MYO15B: variants seen among roughly 807,000 people sequenced by gnomAD.
MYO15B encodes myosin XVB pseudogene.
A neutral mutation model predicts 119.3 loss-of-function variants in MYO15B; 207 were observed. The observed-to-expected ratio is 1.73, with a 90% CI of 1.55 to 1.95. MYO15B has a LOEUF of 1.95. Among genes scored for constraint, MYO15B ranks in the 30% most tolerant of loss-of-function variants. The pLI, the probability that MYO15B is intolerant of heterozygous loss-of-function variation, is 0.00. For synonymous variants in MYO15B, 966 were observed against 498.9 expected (o/e 1.94, Z -12.48); for missense variants, 2,264 against 1,203.1 (o/e 1.88, Z -13.04).
At chr17:75,618,860 T>C (rs1217054349) in intron 43 of MYO15B, among the ~76,000 whole-genome samples, 1 of 152,182 alleles carries the variant, frequency 6.6e-6, no homozygotes, top group Non-Finnish European at 1.5e-5. Context: ...CAATCTTGTA[T>C]CTGGGCTGAT....
intron 50 of MYO15B, 65 bp from the exon 51 acceptor site, chr17:75,621,280 C>A: frequency 1.5e-6 from 1 of 665,986 alleles, no homozygotes. Context: ...CTCTCCCTGC[C>A]TGGCTGGCTG....
chr17:75,612,073 G>A, intron 25 of MYO15B, 57 bp downstream of exon 25: 1 of 685,404 alleles, frequency 1.5e-6, no homozygotes, highest in Admixed American at 2.1e-5. Flanking sequence ...GTTAGCACCT[G>A]CCTGACAGAT....
Position 75,589,188 on chromosome 17 carries a change from G to T in MYO15B, c.1131G>T (p.Leu377=). The stretch of plus-strand genomic sequence containing the variant: ...GTGTAGCGCGAGCCCTGGGCCTCCT[G>T]CGCTGGCTGCGGCGGCGGCTGCGGC... The change falls in exon 1 of 64, where the codon CTG becomes CTT. Residue 377 remains leucine (L), a synonymous_variant. Coordinates refer to ENST00000645453, the Ensembl canonical transcript of MYO15B. This position sits in a 1 kb window ranked among gnomAD's most constrained non-coding sequence, Gnocchi z 4.2. 2.5e-6 allele frequency: 1 copy of T among 396,860 alleles called. No homozygotes were observed. The highest frequency in any genetic ancestry group is 4.4e-6 in the Non-Finnish European group (1 of 225,566). 24.6% of individuals were successfully genotyped at this position (396,860 alleles called of 1,614,324 possible). A position where few individuals can be genotyped will look rare whatever the true frequency, so the allele number is the denominator to read the frequency against.
chr17:75,622,962 A>T (rs1728648779), intron 53 of MYO15B, among the ~76,000 whole-genome samples: 1 of 152,220 alleles, frequency 6.6e-6, no homozygotes, highest in Non-Finnish European at 1.5e-5. Context: ...AAGGGCAGAC[A>T]GAGAGAGGTT....
chr17:75,594,419 G>T (rs1388321624), intron 9 of MYO15B, 56 bp from the exon 10 acceptor site: 1 of 577,790 alleles, frequency 1.7e-6, no homozygotes, highest in Non-Finnish European at 3.1e-6. Flanking sequence ...TGCCCTGCCT[G>T]GGGAGTGTGT....
chr17:75,613,618 G>T, intron 28 of MYO15B, 87 bp from the exon 29 acceptor site: 1 of 660,728 alleles, frequency 1.5e-6, no homozygotes, highest in South Asian at 1.6e-5. Flanking sequence ...TCCTGCTTTT[G>T]AAACTCTCAT....
chr17:75,610,407 T>G, intron 22 of MYO15B, 148 bp downstream of exon 22: 2 of 531,808 alleles, frequency 3.8e-6, no homozygotes, highest in Non-Finnish European at 3.4e-6. Context: ...CTCATCCCTT[T>G]TCCCTCCGGC....
rs1043748363 is a variant in MYO15B at position 75,617,891 on chromosome 17, G to A, written c.6896G>A (p.Gly2299Asp). Residue 2299 changes from glycine to aspartate, a missense_variant, in exon 42 of 64, where the codon GGC (glycine) becomes GAC (aspartate). By Grantham distance (94) the Gly-to-Asp change is moderately conservative. Coordinates refer to ENST00000645453, the Ensembl canonical transcript of MYO15B. Reference sequence around the variant, plus strand: ...GGCAGCGTGTGCTTCTCCTACACCGGCACGCCCTGGAAGTTGTTCCTACGC... The same window carrying A: ...GGCAGCGTGTGCTTCTCCTACACCGACACGCCCTGGAAGTTGTTCCTACGC... 19 of 702,762 alleles carry A rather than the reference G, an allele frequency of 2.7e-5. No homozygotes were observed. The Admixed American group carries it at 3.4e-4, about 13-fold the overall frequency. 43.5% of individuals were successfully genotyped at this position (702,762 alleles called of 1,614,324 possible).
chr17:75,619,968 G>A (rs771612651), exon 47 of MYO15B: 18 of 702,736 alleles, frequency 2.6e-5, no homozygotes, highest in Admixed American at 2.0e-4. Context: ...CACACAGCCC[G>A]GGCAAGGGCC....
At chr17:75,618,815 CT>C (rs1188871244) in intron 43 of MYO15B, among the ~76,000 whole-genome samples, 2 of 152,342 alleles carry the variant, frequency 1.3e-5, no homozygotes, top group African/African-American at 4.8e-5. Flanking sequence ...TCTGTTCCCC[CT>C]AATTCTGCAG....
chr17:75,605,724 G>A, intron 20 of MYO15B, 103 bp downstream of exon 20: 1 of 674,222 alleles, frequency 1.5e-6, no homozygotes, highest in South Asian at 1.6e-5. Context: ...ATCCATCCAA[G>A]TGGTGGGAGA....
intron 3 of MYO15B, 42 bp from the exon 4 acceptor site, chr17:75,591,130 G>T (rs887249681): frequency 1.0e-5 from 7 of 702,650 alleles, no homozygotes; most frequent in Non-Finnish European, 1.6e-5. Context: ...ACCTCGGAGG[G>T]TCCCAGGTCC....
intron 21 of MYO15B, chr17:75,607,027 G>C (rs893759038): frequency 2.3e-5 from 9 of 398,402 alleles, no homozygotes; most frequent in African/African-American, 1.9e-4. Context: ...GGATGCCAGA[G>C]ACGGGGCCTC....
rs529618551 is a variant in MYO15B at position 75,604,743 on chromosome 17, C to T, written c.4017-761C>T. On this transcript the variant is annotated intron_variant, in intron 19 of 63. Transcript: ENST00000645453. ...TCCCTGCCCAAGTTCACTGCAGTGT[C>T]TCAGCCCCCAGCTGAGCGCCTGGCA... Among the ~76,000 whole-genome samples, 439 of 152,024 alleles carry T rather than the reference C, an allele frequency of 2.9e-3. 2 individuals carry two copies. The highest frequency in any genetic ancestry group is 4.9e-3 in the Non-Finnish European group (331 of 68,008).
rs995552408 is a variant in MYO15B at position 75,591,017 on chromosome 17, G to A, written c.2360+1G>A. 6 of 631,776 alleles carry A rather than the reference G, an allele frequency of 9.5e-6. No individual in the cohort carries two copies. Among genetic ancestry groups the A allele is most frequent in the Admixed American group, 2.3e-5 (1 of 42,674 alleles). The allele number at this position is 631,776 out of a possible 1,614,324, so 39.1% of individuals were successfully genotyped here. On this transcript the variant is annotated splice_donor_variant, in intron 3 of 63. Transcript: ENST00000645453. LOFTEE classifies it high-confidence loss of function. Reference sequence around the variant, plus strand: ...CCAGGAAGGCCCTCAGCACCACTCCGTATGTGACTCTGCCCCACTGACCCT... The same window carrying A: ...CCAGGAAGGCCCTCAGCACCACTCCATATGTGACTCTGCCCCACTGACCCT...
chr17:75,619,885 G>A (rs1264017715), exon 47 of MYO15B: 7 of 701,940 alleles, frequency 1.0e-5, no homozygotes, highest in Admixed American at 2.0e-5. Flanking sequence ...GCAGCTTTGC[G>A]GAGGTGCTGG....
chr17:75,626,272 G>A lies in MYO15B; in HGVS notation c.9213+44G>A, dbSNP rs1331134677. 8.6e-6 allele frequency: 6 copies of A among 700,260 alleles called. No homozygotes were observed. In the East Asian group the frequency reaches 1.1e-4, roughly 13 times the overall value. 43.4% of individuals were successfully genotyped at this position (700,260 alleles called of 1,614,324 possible). A position where few individuals can be genotyped will look rare whatever the true frequency, so the allele number is the denominator to read the frequency against. ...GGCCACCTTGCGAAGGTGGATGTGAGGGCCTTGCCCCAGCATGGCGTGCAG... is the reference window on the plus strand; with the variant it reads ...GGCCACCTTGCGAAGGTGGATGTGAAGGCCTTGCCCCAGCATGGCGTGCAG... On this transcript the variant is annotated intron_variant, in intron 63 of 63. Coordinates refer to ENST00000645453, the Ensembl canonical transcript of MYO15B.
At chr17:75,619,792 T>C in exon 46 of MYO15B, 1 of 702,836 alleles carries the variant, frequency 1.4e-6, no homozygotes, top group Non-Finnish European at 2.6e-6. Flanking sequence ...GATTCTCTGC[T>C]CATACAGGTG....
At position 75,619,584 on chromosome 17, in the gene MYO15B, A is replaced by T. The variant is rs2058580756; in HGVS notation, c.7183-97A>T. 3 of 685,542 alleles carry T rather than the reference A, an allele frequency of 4.4e-6. No individual in the cohort carries two copies. In the Admixed American group the frequency reaches 6.1e-5, roughly 14 times the overall value. 42.5% of individuals were successfully genotyped at this position (685,542 alleles called of 1,614,324 possible). A position where few individuals can be genotyped will look rare whatever the true frequency, so the allele number is the denominator to read the frequency against. The stretch of plus-strand genomic sequence containing the variant: ...AGAGCCGGGGAGCAGACGCCAGGGG[A>T]AGGACAAAGCCCAGCCACTGGCCCT... On this transcript the variant is annotated intron_variant, in intron 45 of 63. Coordinates refer to ENST00000645453, the Ensembl canonical transcript of MYO15B.
Sources: gnomAD v4.1 joint callset for allele counts (sites outside exome capture counted in the v4.1 genomes callset) on GRCh38, gnomAD v4.1.1 for gene constraint, Gnocchi (gnomAD v3.1) non-coding constraint, MANE v1.5 for transcripts, NCBI Gene and HGNC (gene_info 2026-07-23, HGNC 2026-07-21) for gene names.